RIPK4: variants seen among roughly 807,000 people sequenced by gnomAD.
The protein encoded by RIPK4 is receptor-interacting serine/threonine-protein kinase 4.
A neutral mutation model predicts 42.9 loss-of-function variants in RIPK4; 17 were observed. The ratio of observed to expected loss-of-function variants is 0.40; its 90% CI spans 0.27 to 0.59. The LOEUF (loss-of-function observed/expected upper bound fraction) is 0.59. Ranked by LOEUF, RIPK4 falls within the 20% of genes least tolerant of loss-of-function variation. The pLI, the probability that RIPK4 is intolerant of heterozygous loss-of-function variation, is 0.47. For missense variants in RIPK4, 897 were observed against 1,104.4 expected, an observed-to-expected ratio of 0.81 and a Z score of 2.66; for synonymous variants, 498 against 499.1, an observed-to-expected ratio of 1.00 and a Z score of 0.03.
chr21:41,759,165 C>T (rs1412332335), intron 1 of RIPK4, among the ~76,000 whole-genome samples: 1 of 152,106 alleles, frequency 6.6e-6, no homozygotes, highest in Non-Finnish European at 1.5e-5. Flanking sequence ...GTGGCATGAT[C>T]CTAGCTCACT....
intron 3 of RIPK4, 120 bp downstream of exon 3, chr21:41,750,977 C>T (rs2146052463): frequency 7.5e-7 from 1 of 1,330,374 alleles, no homozygotes; most frequent in East Asian, 2.4e-5. Flanking sequence ...CGCGCCTGGC[C>T]CGAGCCCCAT....
intron 2 of RIPK4, 69 bp downstream of exon 2, chr21:41,756,456 T>C (rs1247691526): frequency 6.4e-7 from 1 of 1,555,344 alleles, no homozygotes; most frequent in Non-Finnish European, 8.7e-7. Context: ...GCTTGACCCC[T>C]TGATACCCTG....
In RIPK4 at chr21:41,746,283, G is replaced by C; in HGVS notation, c.832+330C>G. On this transcript the variant is annotated intron_variant, in intron 5 of 7. Coordinates refer to ENST00000332512, the MANE Select transcript of RIPK4 (RefSeq NM_020639.3). ...CCTCAAGAGAAGGGCGACGCCGCCG[G>C]CCACCGGCCAGGTAAGTCCCCGGGA... 10 of 585,026 alleles carry C rather than the reference G, an allele frequency of 1.7e-5. 1 individual carries two copies. The South Asian group carries it at 1.9e-4, about 11-fold the overall frequency. 36.2% of individuals were successfully genotyped at this position (585,026 alleles called of 1,614,324 possible).
intron 1 of RIPK4, among the ~76,000 whole-genome samples, chr21:41,760,207 TCAC>T (rs1221875896): frequency 6.6e-6 from 1 of 152,228 alleles, no homozygotes; most frequent in African/African-American, 2.4e-5. Context: ...CTGTCCAGAA[TCAC>T]CACTTCAGTA....
At chr21:41,763,597 G>A (rs955713912) in intron 1 of RIPK4, among the ~76,000 whole-genome samples, 3 of 152,232 alleles carry the variant, frequency 2.0e-5, no homozygotes, top group African/African-American at 7.2e-5. Flanking sequence ...TCAGGAAAAT[G>A]CAGCCGGAAA....
Position 41,755,032 on chromosome 21 carries a change from C to T in RIPK4, c.474+1493G>A, listed in dbSNP as rs757645889. On this transcript the variant is annotated intron_variant, in intron 2 of 7. Transcript: ENST00000332512. This position sits in a 1 kb window ranked among gnomAD's most constrained non-coding sequence, Gnocchi z 4.2. ...CATGTCCTTTCCGGTATTCAGTGCA[C>T]GTTGGACGGCAGAGCTTACTAGTCA... 6.6e-6 allele frequency among the ~76,000 whole-genome samples: 1 copy of T among 152,162 alleles called. No homozygotes were observed. The highest frequency in any genetic ancestry group is 1.5e-5 in the Non-Finnish European group (1 of 68,040).
chr21:41,743,056 A>G (rs940703481), intron 7 of RIPK4, among the ~76,000 whole-genome samples: 47 of 152,200 alleles, frequency 3.1e-4, no homozygotes, highest in Non-Finnish European at 1.2e-4. Flanking sequence ...GATCCAGGAA[A>G]AGTCTTTGCC....
At chr21:41,744,886 T>A (rs994099821) in intron 6 of RIPK4, among the ~76,000 whole-genome samples, 5 of 152,176 alleles carry the variant, frequency 3.3e-5, no homozygotes, top group African/African-American at 1.2e-4. Flanking sequence ...TCTCGCTTCA[T>A]GGACTGCAGG....
chr21:41,745,007 C>T (rs1353867521), intron 6 of RIPK4, among the ~76,000 whole-genome samples: 3 of 152,146 alleles, frequency 2.0e-5, no homozygotes, highest in Admixed American at 6.5e-5. Context: ...CTCGAGGTCC[C>T]GCACTGTTGC....
chr21:41,743,849 C>T (rs1473139149), intron 7 of RIPK4, 33 bp downstream of exon 7: 1 of 1,548,226 alleles, frequency 6.5e-7, no homozygotes, highest in Non-Finnish European at 8.7e-7. Flanking sequence ...CCAAGCCCAG[C>T]ATCTCTCGGG....
chr21:41,758,041 T>TATATAGAGAGAGAGAGAGAG (rs1452050960), intron 1 of RIPK4, among the ~76,000 whole-genome samples: 1 of 58,518 alleles, frequency 1.7e-5, no homozygotes. Flanking sequence ...TATATATATA[T>TATATAGAGAGAGAGAGAGAG]AGAGAGAGAG....
rs781530108 is a variant in RIPK4 at position 41,741,910 on chromosome 21, G to A, written c.1283C>T (p.Pro428Leu). 11 of 1,613,272 alleles carry A rather than the reference G, an allele frequency of 6.8e-6. No homozygotes were observed. Among genetic ancestry groups the A allele is most frequent in the Non-Finnish European group, 8.5e-6 (10 of 1,179,782 alleles). ...GTCCAGTGCCAGGTCCACGTCCTGC[G>A]GCTGCAGGATCTTCATCAGTTTGCT... ...DTSKLMKILQ[P>L]QDVDLALDSG... The change falls in exon 8 of 8, where the codon CCG (proline) becomes CTG (leucine). Residue 428 changes from proline (P) to leucine (L), a missense_variant. Transcript: ENST00000332512.
chr21:41,755,415 G>A lies in RIPK4; in HGVS notation c.474+1110C>T, dbSNP rs556398960. On this transcript the variant is annotated intron_variant, in intron 2 of 7. Transcript: ENST00000332512. This position sits in a 1 kb window ranked among gnomAD's most constrained non-coding sequence, Gnocchi z 4.2. The stretch of plus-strand genomic sequence containing the variant: ...CAAGGCACGCGAGATGCACTCGTCC[G>A]CAGAGTCTGGGCACAGGGAGCGGCC... 1.3e-5 allele frequency among the ~76,000 whole-genome samples: 2 copies of A among 152,300 alleles called. No homozygotes were observed. The highest frequency in any genetic ancestry group is 2.9e-5 in the Non-Finnish European group (2 of 68,018).
rs557146721 is a variant in RIPK4, at chr21:41,742,195, C to T, written c.1196-198G>A. ...TAGCGGGAGCCCCGGGGCAGGCTGG[C>T]GAATGTCTCCCAGGTGCTCGTTAGT... On this transcript the variant is annotated intron_variant, in intron 7 of 7. Coordinates refer to ENST00000332512, the MANE Select transcript of RIPK4 (RefSeq NM_020639.3). The surrounding 1 kb of genome is among the most constrained non-coding windows in gnomAD (Gnocchi z 5.1). Among the ~76,000 whole-genome samples, 1 of 152,096 alleles carries T rather than the reference C, an allele frequency of 6.6e-6. No homozygotes were observed.
At chr21:41,744,412 G>C (rs1039180302) in intron 6 of RIPK4, among the ~76,000 whole-genome samples, 1 of 151,908 alleles carries the variant, frequency 6.6e-6, no homozygotes, top group Non-Finnish European at 1.5e-5. Flanking sequence ...CCCTGCACCC[G>C]CACAGCACTT....
At chr21:41,748,143 G>A (rs142587574) in intron 4 of RIPK4, among the ~76,000 whole-genome samples, 12 of 152,320 alleles carry the variant, frequency 7.9e-5, no homozygotes, top group South Asian at 4.1e-4. Flanking sequence ...GACGGACACC[G>A]GCCAGCAGAG....
intron 1 of RIPK4, among the ~76,000 whole-genome samples, chr21:41,765,734 T>C (rs915453613): frequency 3.9e-5 from 6 of 152,222 alleles, no homozygotes; most frequent in Admixed American, 2.0e-4. Flanking sequence ...CGCTTCTGAG[T>C]GTATGTGTTC....
chr21:41,754,547 GC>G (rs1019363512), intron 2 of RIPK4, among the ~76,000 whole-genome samples: 1 of 152,130 alleles, frequency 6.6e-6, no homozygotes, highest in African/African-American at 2.4e-5. Context: ...GGCAGCATCC[GC>G]CCCCTGCAGC....
intron 1 of RIPK4, among the ~76,000 whole-genome samples, chr21:41,758,370 A>AT (rs1433981651): frequency 6.6e-6 from 1 of 152,200 alleles, no homozygotes; most frequent in Non-Finnish European, 1.5e-5. Context: ...TTCAGGGTCT[A>AT]TTCACACTGT....
Sources: gnomAD v4.1 joint callset for allele counts (sites outside exome capture counted in the v4.1 genomes callset) on GRCh38, gnomAD v4.1.1 for gene constraint, Gnocchi (gnomAD v3.1) non-coding constraint, MANE v1.5 for transcripts, NCBI Gene and HGNC (gene_info 2026-07-23, HGNC 2026-07-21) for gene names.